The following KIAA1549L variants were observed in gnomAD, a reference collection of about 807,000 sequenced individuals.
KIAA1549L encodes the protein UPF0606 protein KIAA1549L.
A neutral mutation model predicts 160.7 loss-of-function variants in KIAA1549L; 88 were observed. The observed-to-expected ratio is 0.55, with a 90% CI of 0.46 to 0.65. The LOEUF (loss-of-function observed/expected upper bound fraction) is 0.65. Among genes scored for constraint, KIAA1549L ranks in the 30% least tolerant of loss-of-function variants. The pLI, the probability that KIAA1549L is intolerant of heterozygous loss-of-function variation, is 0.00. For synonymous variants in KIAA1549L, 950 were observed against 976.7 expected (o/e 0.97, Z 0.51); for missense variants, 2,258 against 2,437.5 (o/e 0.93, Z 1.55).
intron 1 of KIAA1549L, among the ~76,000 whole-genome samples, chr11:33,506,005 A>G (rs571688805): frequency 1.8e-4 from 28 of 152,324 alleles, no homozygotes; most frequent in African/African-American, 6.3e-4. Context: ...AGTTGTCATT[A>G]TCCCCATTTT....
intron 16 of KIAA1549L, among the ~76,000 whole-genome samples, chr11:33,621,663 GAAA>G (rs35999065): frequency 6.8e-6 from 1 of 147,990 alleles, no homozygotes; most frequent in African/African-American, 2.5e-5. Flanking sequence ...GTAAGGAAAA[GAAA>G]AAAAAAATGC....
chr11:33,565,741 G>T (rs1855027733), intron 8 of KIAA1549L, among the ~76,000 whole-genome samples: 1 of 151,324 alleles, frequency 6.6e-6, no homozygotes, highest in Non-Finnish European at 1.5e-5. Context: ...TTATTGGCTG[G>T]GTGTGTTGGC....
chr11:33,393,497 G>GT (rs1850310568), intron 1 of KIAA1549L, among the ~76,000 whole-genome samples: 1 of 152,174 alleles, frequency 6.6e-6, no homozygotes, highest in South Asian at 2.1e-4. Context: ...TGATCAATGT[G>GT]TTAAAAACTA....
In KIAA1549L at chr11:33,544,773, C is replaced by T. The variant is rs1196405157; in HGVS notation, c.2780C>T (p.Thr927Ile). 3 of 1,593,096 alleles carry T rather than the reference C, an allele frequency of 1.9e-6. No individual in the cohort carries two copies. The South Asian group carries it at 3.4e-5, about 18-fold the overall frequency. ...SQHPKKWTAD[T>I]VSSKVQPTAA... is the part of the protein sequence containing the mutation. The stretch of plus-strand genomic sequence containing the variant: ...GTTTTTTCTCTCTTTACAGCGGACA[C>T]AGTATCATCTAAGGTACAGCCAACA... The change falls in exon 3 of 21, where the codon ACA becomes ATA. Residue 927 changes from threonine (T) to isoleucine (I), a missense_variant. Coordinates refer to ENST00000658780, the MANE Select transcript of KIAA1549L (RefSeq NM_012194.3).
intron 11 of KIAA1549L, among the ~76,000 whole-genome samples, chr11:33,590,465 T>A (rs1201662578): frequency 6.6e-6 from 1 of 152,218 alleles, no homozygotes; most frequent in Non-Finnish European, 1.5e-5. Context: ...TGGTTTTCAT[T>A]ACCACACTAC....
rs1315045011 is a variant in KIAA1549L at position 33,658,851 on chromosome 11, G to A, written c.5960G>A (p.Gly1987Asp). 2.6e-6 allele frequency: 4 copies of A among 1,562,972 alleles called. No individual in the cohort carries two copies. The highest frequency in any genetic ancestry group is 3.8e-5 in the Admixed American group (2 of 52,752). ...GCCTCCTTCACGCAGATGTCCAGAGGCCCTGTGTCCGTGACGCAGTTGGAT... is the reference window on the plus strand; with the variant it reads ...GCCTCCTTCACGCAGATGTCCAGAGACCCTGTGTCCGTGACGCAGTTGGAT... The part of the protein sequence containing the change: ...DSASFTQMSR[G>D]PVSVTQLDQS... Residue 1987 changes from glycine (G) to aspartate (D), a missense_variant, in exon 19 of 21, where the codon GGC (glycine) becomes GAC (aspartate). By Grantham distance (94) the Gly-to-Asp change is moderately conservative. Coordinates refer to ENST00000658780, the MANE Select transcript of KIAA1549L (RefSeq NM_012194.3).
intron 1 of KIAA1549L, among the ~76,000 whole-genome samples, chr11:33,387,926 G>C (rs1850204533): frequency 6.6e-6 from 1 of 152,160 alleles, no homozygotes. Context: ...TTCTGAAAAG[G>C]GAAGAGTTTT....
At chr11:33,626,164 C>G (rs1398420392) in intron 16 of KIAA1549L, among the ~76,000 whole-genome samples, 1 of 146,814 alleles carries the variant, frequency 6.8e-6, no homozygotes, top group African/African-American at 2.6e-5. Context: ...TTACTGTAGC[C>G]TTGTAGTATA....
At chr11:33,574,610 C>A (rs796746386) in intron 9 of KIAA1549L, 92 bp from the exon 10 acceptor site, 1 of 1,224,328 alleles carries the variant, frequency 8.2e-7, no homozygotes, top group Non-Finnish European at 1.1e-6. Flanking sequence ...AAGTCTTCAG[C>A]AGTCAGGAGA....
intron 6 of KIAA1549L, among the ~76,000 whole-genome samples, chr11:33,554,573 C>T (rs1305544454): frequency 2.6e-5 from 4 of 152,214 alleles, no homozygotes; most frequent in Non-Finnish European, 5.9e-5. Context: ...CTCACAACCC[C>T]AGGTTTGTCT....
chr11:33,574,127 A>T (rs894593583), intron 9 of KIAA1549L, among the ~76,000 whole-genome samples: 5 of 152,142 alleles, frequency 3.3e-5, no homozygotes, highest in African/African-American at 1.2e-4. Flanking sequence ...TAGAAGGATT[A>T]CAGATTGTTT....
intron 15 of KIAA1549L, among the ~76,000 whole-genome samples, chr11:33,616,643 G>GTAAT: frequency 6.6e-6 from 1 of 152,310 alleles, no homozygotes; most frequent in Middle Eastern, 3.4e-3. Flanking sequence ...AATGGCAAGG[G>GTAAT]TAATGCTTTG....
rs1470420620 is a variant in KIAA1549L at position 33,608,334 on chromosome 11, CTGT to C, written c.5062-1407_5062-1405del. ...ATGATGATGATGATTATTATTATTA[CTGT>C]TGTTGTTATCACCACCCATTAGACA... is the stretch of plus-strand genomic sequence containing the variant. On this transcript the variant is annotated intron_variant, in intron 14 of 20. Transcript: ENST00000658780. Among the ~76,000 whole-genome samples the C allele has an allele frequency of 2.6e-5, 4 of 152,350 alleles. No homozygotes were observed. In the South Asian group the frequency reaches 6.2e-4, roughly 24 times the overall value.
intron 11 of KIAA1549L, among the ~76,000 whole-genome samples, chr11:33,590,273 G>T (rs1381298362): frequency 2.0e-5 from 3 of 152,164 alleles, no homozygotes; most frequent in Admixed American, 6.6e-5. Flanking sequence ...GCAGAGAGTT[G>T]CAGTAACTTA....
chr11:33,628,253 TA>T (rs1441714975), intron 16 of KIAA1549L, among the ~76,000 whole-genome samples: 1 of 152,180 alleles, frequency 6.6e-6, no homozygotes, highest in Non-Finnish European at 1.5e-5. Flanking sequence ...GAAAAAAATG[TA>T]TATTCTGTTG....
rs368403250 is a variant in KIAA1549L at position 33,598,596 on chromosome 11, T to C, written c.4752-224T>C. ...GCACCCAAGGCTGCGCTCACTGAAC[T>C]CTATGGGCTGAGCACGGCAAAACGG... On this transcript the variant is annotated intron_variant, in intron 12 of 20. Coordinates refer to ENST00000658780, the MANE Select transcript of KIAA1549L (RefSeq NM_012194.3). Among the ~76,000 whole-genome samples the C allele has an allele frequency of 5.9e-4, 90 of 152,240 alleles. 1 individual carries two copies. The South Asian group carries it at 0.018, about 31-fold the overall frequency.
chr11:33,650,406 C>T (rs1263959351), intron 17 of KIAA1549L, among the ~76,000 whole-genome samples: 2 of 152,176 alleles, frequency 1.3e-5, no homozygotes, highest in African/African-American at 2.4e-5. Context: ...AGAAAAGTAA[C>T]TTTATTTTTC....
At chr11:33,497,942 A>C (rs1271520551) in intron 1 of KIAA1549L, among the ~76,000 whole-genome samples, 2 of 152,268 alleles carry the variant, frequency 1.3e-5, no homozygotes, top group South Asian at 4.1e-4. Flanking sequence ...TGCTGTGAGC[A>C]TGATCTTGGA....
At chr11:33,524,901 C>T (rs1307573370) in intron 1 of KIAA1549L, among the ~76,000 whole-genome samples, 3 of 152,082 alleles carry the variant, frequency 2.0e-5, no homozygotes, top group Admixed American at 6.6e-5. Flanking sequence ...AAGCATAGTC[C>T]GTCTTATTAA....
Sources: allele counts gnomAD v4.1 joint callset (sites outside exome capture counted in the v4.1 genomes callset), GRCh38; gene constraint gnomAD v4.1.1; transcripts MANE v1.5; gene names NCBI Gene and HGNC (gene_info 2026-07-23, HGNC 2026-07-21).